Variants in PCDHA6 observed in about 807,000 individuals in gnomAD.
The protein encoded by PCDHA6 is protocadherin alpha 6, also known as protocadherin alpha-6.
Under a neutral mutation model 60.3 loss-of-function variants are expected in PCDHA6, and 55 were observed. The ratio of observed to expected loss-of-function variants is 0.91; its 90% CI spans 0.73 to 1.14. The LOEUF is 1.14. Ranked by LOEUF, PCDHA6 falls within the 50% of genes most tolerant of loss-of-function variation. The probability of loss-of-function intolerance (pLI) is 0.00; values close to 1 mark genes in which losing one functional copy is unlikely to be tolerated. For missense variants in PCDHA6, 1,327 were observed against 1,256.5 expected (o/e 1.06, Z -0.85); for synonymous variants, 652 against 557.9 (o/e 1.17, Z -2.38).
intron 1 of PCDHA6, among the ~76,000 whole-genome samples, chr5:140,913,939 A>G (rs1175115466): frequency 1.3e-5 from 2 of 152,116 alleles, no homozygotes. Flanking sequence ...TCAGAGAAGA[A>G]TCTTGATATG....
chr5:140,932,016 G>A lies in PCDHA6; in HGVS notation c.2395-46933G>A, dbSNP rs73266047. Among the ~76,000 whole-genome samples, 510 of 151,544 alleles carry A rather than the reference G, an allele frequency of 3.4e-3. 2 individuals carry two copies. Among genetic ancestry groups the A allele is most frequent in the African/African-American group, 0.012 (481 of 41,364 alleles). ...TCTAAGTTCTTTCATTTTAGTTTAC[G>A]GTAAGTTTACAGTATATATTAACAT... On this transcript the variant is annotated intron_variant, in intron 1 of 3. Transcript: ENST00000529310.
Position 140,828,805 on chromosome 5 carries a change from T to C in PCDHA6, c.714T>C (p.Asn238=). 4.3e-6 allele frequency: 7 copies of C among 1,614,212 alleles called. No individual in the cohort carries two copies. The highest frequency in any genetic ancestry group is 5.9e-6 in the Non-Finnish European group (7 of 1,180,046). The change falls in exon 1 of 4, where the codon AAT becomes AAC. Residue 238 remains asparagine (N), a synonymous_variant. Coordinates refer to ENST00000529310, the MANE Select transcript of PCDHA6 (RefSeq NM_018909.4). ...TCACAGTGCTGGATGTGAATGATAA[T>C]GCTCCCACTTTCGAACAGTCTGAAT... ...LLVTVLDVND[N]APTFEQSEYE...
In PCDHA6 at chr5:141,011,948, A is replaced by G. The variant is rs1011232437; in HGVS notation, c.*2011A>G. ...TAGGAGTCTGTTATTTAAAAAAAGC[A>G]TTAAATTTAAAAAAAAACTGTCTTG... On this transcript the variant is annotated 3_prime_UTR_variant, in exon 4 of 4. Transcript: ENST00000529310. 3 of 153,698 alleles carry G rather than the reference A, an allele frequency of 2.0e-5. No homozygotes were observed. The highest frequency in any genetic ancestry group is 4.4e-5 in the Non-Finnish European group (3 of 68,026). The allele number at this position is 153,698 out of a possible 1,614,324, so 9.5% of individuals were successfully genotyped here.
chr5:140,959,300 C>T (rs887685405), intron 1 of PCDHA6, among the ~76,000 whole-genome samples: 11 of 151,854 alleles, frequency 7.2e-5, no homozygotes, highest in African/African-American at 2.7e-4. Flanking sequence ...TCACTGAGCC[C>T]GGTGGTTGAA....
At chr5:140,844,014 G>A (rs2150368262) in intron 1 of PCDHA6, among the ~76,000 whole-genome samples, 4 of 149,646 alleles carry the variant, frequency 2.7e-5, no homozygotes, top group Admixed American at 2.0e-4. Context: ...CTCTAAGGAC[G>A]TTCAGGGCAT....
At chr5:140,851,516 TA>T in intron 1 of PCDHA6, 1 of 906,320 alleles carries the variant, frequency 1.1e-6, no homozygotes, top group Non-Finnish European at 1.3e-6. Flanking sequence ...AAATATGTTT[TA>T]AAATGCCTGA....
chr5:140,987,040 C>G (rs916995346), intron 3 of PCDHA6, among the ~76,000 whole-genome samples: 1 of 151,880 alleles, frequency 6.6e-6, no homozygotes, highest in Non-Finnish European at 1.5e-5. Flanking sequence ...ATGGCGAAAC[C>G]CCATCTCTAC....
chr5:140,896,635 C>T (rs539969970), intron 1 of PCDHA6, among the ~76,000 whole-genome samples: 4 of 152,178 alleles, frequency 2.6e-5, no homozygotes, highest in South Asian at 4.1e-4. Context: ...CCTTGGCCTC[C>T]CAAAGTGCTA....
rs563652109 is a variant in PCDHA6 at position 140,884,316 on chromosome 5, C to G, written c.2394+53831C>G. 26 of 1,613,752 alleles carry G rather than the reference C, an allele frequency of 1.6e-5. 2 individuals carry two copies. The South Asian group carries it at 2.5e-4, about 16-fold the overall frequency. On this transcript the variant is annotated intron_variant, in intron 1 of 3. Transcript: ENST00000529310. ...GCGCCACAGGCTTCGTCGAGGGCGT[C>G]GGCAGGCGCTGTGGGTCCAGAAGCG...
In PCDHA6 at chr5:140,871,291, G is replaced by T. The variant is rs2052917819; in HGVS notation, c.2394+40806G>T. 3 of 1,613,906 alleles carry T rather than the reference G, an allele frequency of 1.9e-6. No individual in the cohort carries two copies. Among genetic ancestry groups the T allele is most frequent in the African/African-American group, 2.7e-5 (2 of 75,070 alleles). ...GTGGTCGGCAACGCCCACTGAGGGC[G>T]CGTGCGCGCCGGGGAAGCCCACGCT... On this transcript the variant is annotated intron_variant, in intron 1 of 3. Transcript: ENST00000529310.
chr5:140,849,741 G>A, intron 1 of PCDHA6: 2 of 1,598,488 alleles, frequency 1.3e-6, no homozygotes, highest in Non-Finnish European at 8.6e-7. Context: ...TCTGGACCGC[G>A]AGAGTGTGTC....
At chr5:140,843,068 C>G in intron 1 of PCDHA6, 1 of 1,595,216 alleles carries the variant, frequency 6.3e-7, no homozygotes, top group East Asian at 2.2e-5. Context: ...GCTGGTGCCG[C>G]GGTCTGTGGG....
At chr5:140,871,432 C>T (rs782382962) in intron 1 of PCDHA6, 1 of 1,612,926 alleles carries the variant, frequency 6.2e-7, no homozygotes, top group Non-Finnish European at 8.5e-7. Flanking sequence ...CAGTCTTCCT[C>T]TAGGTCTGAA....
chr5:140,954,836 A>T (rs1185482098), intron 1 of PCDHA6, among the ~76,000 whole-genome samples: 1 of 152,086 alleles, frequency 6.6e-6, no homozygotes, highest in Non-Finnish European at 1.5e-5. Context: ...TTTGTCATGA[A>T]ATCTTTGCCT....
chr5:140,866,259 T>C (rs2049241676), intron 1 of PCDHA6: 1 of 152,166 alleles, frequency 6.6e-6, no homozygotes, highest in South Asian at 2.1e-4. Context: ...CCTTCTTTCT[T>C]TACTGTGAAT....
At chr5:140,871,198 C>T (rs540384431) in intron 1 of PCDHA6, 3 of 1,613,730 alleles carry the variant, frequency 1.9e-6, no homozygotes, top group African/African-American at 1.3e-5. Context: ...CAACGTGTAC[C>T]TGATCATCGC....
chr5:140,851,923 T>G, intron 1 of PCDHA6: 1 of 967,860 alleles, frequency 1.0e-6, no homozygotes, highest in Non-Finnish European at 1.2e-6. Flanking sequence ...CATGTTATGT[T>G]TCCTGAATTG....
At chr5:140,858,082 G>T (rs1554151130) in intron 1 of PCDHA6, 2 of 1,597,718 alleles carry the variant, frequency 1.3e-6, no homozygotes, top group East Asian at 2.2e-5. Flanking sequence ...CCAAGGCCTC[G>T]TCGCGGGCTT....
intron 1 of PCDHA6, chr5:140,928,899 T>C (rs2085633672): frequency 2.5e-6 from 4 of 1,614,088 alleles, no homozygotes; most frequent in South Asian, 1.1e-5. Flanking sequence ...ACTTTGAAGA[T>C]GTCTGGGAAC....
Sources: allele counts gnomAD v4.1 joint callset (sites outside exome capture counted in the v4.1 genomes callset), GRCh38; gene constraint gnomAD v4.1.1; transcripts MANE v1.5; gene names NCBI Gene and HGNC (gene_info 2026-07-23, HGNC 2026-07-21).